LPCAT1: variants seen among roughly 807,000 people sequenced by gnomAD.
The protein encoded by LPCAT1 is 1-acylglycerol-3-phosphate O-acyltransferase.
A neutral mutation model predicts 60.9 loss-of-function variants in LPCAT1; 23 were observed. The ratio of observed to expected loss-of-function variants is 0.38; its 90% CI spans 0.27 to 0.53. LPCAT1 has a LOEUF of 0.53. Ranked by LOEUF, LPCAT1 falls within the 20% of genes least tolerant of loss-of-function variation. LPCAT1 has a pLI of 0.82. For missense variants in LPCAT1, 622 were observed against 723.6 expected (o/e 0.86, Z 1.61); for synonymous variants, 340 against 301.1 (o/e 1.13, Z -1.34).
chr5:1,490,277 G>A lies in LPCAT1; in HGVS notation c.494-419C>T, dbSNP rs1289930834. On this transcript the variant is annotated intron_variant, in intron 3 of 13. Transcript: ENST00000283415. ...AACTGCATCCCCTAAAAGACAAGCTGAAGTCCTCACTCCTGGTACCGGGAA... is the reference window on the plus strand; with the variant it reads ...AACTGCATCCCCTAAAAGACAAGCTAAAGTCCTCACTCCTGGTACCGGGAA... Among the ~76,000 whole-genome samples the A allele has an allele frequency of 1.3e-5, 2 of 152,208 alleles. 1 individual carries two copies. The highest frequency in any genetic ancestry group is 3.8e-4 in the East Asian group (2 of 5,200).
At chr5:1,488,095 C>G (rs147529898) in intron 5 of LPCAT1, among the ~76,000 whole-genome samples, 1 of 152,240 alleles carries the variant, frequency 6.6e-6, no homozygotes, top group Non-Finnish European at 1.5e-5. Context: ...GCAGTGAGAC[C>G]CCTTCTGCAC....
At position 1,522,876 on chromosome 5, in the gene LPCAT1, C is replaced by T. The variant is rs1561000652; in HGVS notation, c.135+834G>A. 6.6e-6 allele frequency among the ~76,000 whole-genome samples: 1 copy of T among 152,200 alleles called. No individual in the cohort carries two copies. The highest frequency in any genetic ancestry group is 2.4e-5 in the African/African-American group (1 of 41,452). On this transcript the variant is annotated intron_variant, in intron 1 of 13. Transcript: ENST00000283415. This position sits in a 1 kb window ranked among gnomAD's most constrained non-coding sequence, Gnocchi z 6.8. ...CAGCCAGGTAGCCGGAAAAGCCAGG[C>T]TGAGCCAGCACATCCCCGGTGCAGC... is the stretch of plus-strand genomic sequence containing the variant.
chr5:1,497,058 G>A (rs1361643193), intron 2 of LPCAT1, among the ~76,000 whole-genome samples: 1 of 152,236 alleles, frequency 6.6e-6, no homozygotes, highest in Non-Finnish European at 1.5e-5. Flanking sequence ...GCATGGCAGA[G>A]AAGCAGAGGA....
intron 1 of LPCAT1, among the ~76,000 whole-genome samples, chr5:1,509,902 C>T (rs111257712): frequency 1.3e-5 from 2 of 152,210 alleles, no homozygotes; most frequent in Non-Finnish European, 2.9e-5. Flanking sequence ...GCACCCCAGG[C>T]GCTACAGATC....
In LPCAT1 at chr5:1,523,815, G is replaced by T; in HGVS notation, c.30C>A (p.Ala10=). 1.8e-6 allele frequency: 2 copies of T among 1,091,842 alleles called. No homozygotes were observed. The highest frequency in any genetic ancestry group is 2.2e-6 in the Non-Finnish European group (2 of 898,884). 67.6% of individuals were successfully genotyped at this position (1,091,842 alleles called of 1,614,324 possible). Reference sequence around the variant, plus strand: ...TGGCCCCTGCGCTGGAGGCAGGGGCGGCCCGGGGTCCGCATCCCCGCAGCC... The same window carrying T: ...TGGCCCCTGCGCTGGAGGCAGGGGCTGCCCGGGGTCCGCATCCCCGCAGCC... MRLRGCGPR[A]APASSAGASD... is the part of the protein sequence containing the mutation. Residue 10 remains alanine, a synonymous_variant, in exon 1 of 14, where the codon GCC becomes GCA. Transcript: ENST00000283415. The surrounding 1 kb of genome is among the most constrained non-coding windows in gnomAD (Gnocchi z 7.1).
rs1734798699 is a variant in LPCAT1, at chr5:1,474,041, C to T, written c.1095G>A (p.Glu365=). 2.5e-6 allele frequency: 4 copies of T among 1,614,090 alleles called. No individual in the cohort carries two copies. Among genetic ancestry groups the T allele is most frequent in the Non-Finnish European group, 3.4e-6 (4 of 1,180,030 alleles). ...YSERARMKGG[E]KIGIAEFAAS... Reference sequence around the variant, plus strand: ...CGGCAAACTCCGCAATACCTATCTTCTCTCCTCCCTTCATCCTGGCTCTTT... The same window carrying T: ...CGGCAAACTCCGCAATACCTATCTTTTCTCCTCCCTTCATCCTGGCTCTTT... Residue 365 remains glutamate, a synonymous_variant, in exon 11 of 14, where the codon GAG becomes GAA. Transcript: ENST00000283415.
intron 2 of LPCAT1, among the ~76,000 whole-genome samples, chr5:1,498,648 A>G (rs1735888201): frequency 6.8e-6 from 1 of 146,706 alleles, no homozygotes. Context: ...ACATACATGT[A>G]CACAGAGACA....
In LPCAT1 at chr5:1,474,126, G is replaced by C. The variant is rs369864940; in HGVS notation, c.1026-16C>G. 3 of 1,603,180 alleles carry C rather than the reference G, an allele frequency of 1.9e-6. No individual in the cohort carries two copies. In the African/African-American group the frequency reaches 4.0e-5, roughly 22 times the overall value. On this transcript the variant is annotated splice_polypyrimidine_tract_variant and intron_variant, in intron 10 of 13. Transcript: ENST00000283415. ...TGGTTTTAGCCTAGACAAAAAAAGA[G>C]GGAAAGCTTTCTTTTTCAATAAAAT... is the stretch of plus-strand genomic sequence containing the variant.
At chr5:1,474,754 A>T (rs1232857409) in intron 9 of LPCAT1, 69 bp from the exon 10 acceptor site, 20 of 1,542,840 alleles carry the variant, frequency 1.3e-5, no homozygotes, top group African/African-American at 2.7e-5. Context: ...CCACCAGAAT[A>T]ACCGCCGATG....
chr5:1,467,963 G>C (rs1734501477), intron 12 of LPCAT1, among the ~76,000 whole-genome samples: 3 of 152,190 alleles, frequency 2.0e-5, no homozygotes. Context: ...GCAGCGCGCT[G>C]TGATCTTGTG....
Position 1,463,447 on chromosome 5 carries a change from C to G in LPCAT1, c.*204G>C, listed in dbSNP as rs1376933688. On this transcript the variant is annotated 3_prime_UTR_variant, in exon 14 of 14. Coordinates refer to ENST00000283415, the MANE Select transcript of LPCAT1 (RefSeq NM_024830.5). ...GCGGGGGATCCGCGTGCGCGCCCTC[C>G]GATTCTCGCACAGTAAGCGTCGGTT... The G allele has an allele frequency of 3.2e-6, 2 of 618,438 alleles. No individual in the cohort carries two copies. The highest frequency in any genetic ancestry group is 5.4e-6 in the Non-Finnish European group (2 of 368,264). 38.3% of individuals were successfully genotyped at this position (618,438 alleles called of 1,614,324 possible).
In LPCAT1 at chr5:1,481,499, C is replaced by T. The variant is rs149314199; in HGVS notation, c.727-523G>A. Among the ~76,000 whole-genome samples the T allele has an allele frequency of 4.2e-3, 647 of 152,368 alleles. 6 individuals carry two copies. The highest frequency in any genetic ancestry group is 0.015 in the African/African-American group (622 of 41,576). The stretch of plus-strand genomic sequence containing the variant: ...GAAGTCCCATCTTCAGCCTCAGTGC[C>T]GCCGGGCAGGGACCACACAGCAGGG... On this transcript the variant is annotated intron_variant, in intron 6 of 13. Transcript: ENST00000283415. The surrounding 1 kb of genome is among the most constrained non-coding windows in gnomAD (Gnocchi z 7.8).
intron 2 of LPCAT1, 28 bp downstream of exon 2, chr5:1,501,433 A>C: frequency 6.3e-7 from 1 of 1,587,034 alleles, no homozygotes; most frequent in Non-Finnish European, 8.6e-7. Context: ...CCCCCCCAGG[A>C]GGAGAGCACG....
At chr5:1,479,535 C>G (rs1735048567) in intron 8 of LPCAT1, 86 bp downstream of exon 8, 2 of 985,340 alleles carry the variant, frequency 2.0e-6, no homozygotes, top group South Asian at 2.6e-5. Flanking sequence ...CCACATTGTA[C>G]AAGGCTTATC....
intron 1 of LPCAT1, among the ~76,000 whole-genome samples, chr5:1,514,883 C>T (rs1030279403): frequency 6.6e-6 from 1 of 152,228 alleles, no homozygotes; most frequent in Admixed American, 6.5e-5. Flanking sequence ...ACAGGCCCTC[C>T]GGAGCTGTGG....
In LPCAT1 at chr5:1,489,901, T is replaced by C. The variant is rs201240163; in HGVS notation, c.494-43A>G. 1,393 of 1,424,676 alleles carry C rather than the reference T, an allele frequency of 9.8e-4. 2 individuals are homozygous for C. The highest frequency in any genetic ancestry group is 1.2e-3 in the Non-Finnish European group (1,218 of 1,008,256). The allele number at this position is 1,424,676 out of a possible 1,614,324, so 88.3% of individuals were successfully genotyped here. A position where few individuals can be genotyped will look rare whatever the true frequency, so the allele number is the denominator to read the frequency against. On this transcript the variant is annotated intron_variant, in intron 3 of 13. Coordinates refer to ENST00000283415, the MANE Select transcript of LPCAT1 (RefSeq NM_024830.5). Reference sequence around the variant, plus strand: ...AGACGGATCACGTGGAATGCACGGCTCCCGCCAGGCAGGGCTGAGGAACGA... The same window carrying C: ...AGACGGATCACGTGGAATGCACGGCCCCCGCCAGGCAGGGCTGAGGAACGA...
At chr5:1,520,520 A>T (rs1332491476) in intron 1 of LPCAT1, among the ~76,000 whole-genome samples, 1 of 152,194 alleles carries the variant, frequency 6.6e-6, no homozygotes, top group East Asian at 1.9e-4. Context: ...GCTTTCCAGG[A>T]TGTAAGTTCT....
At chr5:1,515,585 C>A (rs1168237803) in intron 1 of LPCAT1, among the ~76,000 whole-genome samples, 1 of 150,948 alleles carries the variant, frequency 6.6e-6, no homozygotes, top group Non-Finnish European at 1.5e-5. Flanking sequence ...GCCCTGTATA[C>A]CCTGCCCTGC....
At chr5:1,485,523 G>A (rs970517225) in intron 5 of LPCAT1, among the ~76,000 whole-genome samples, 5 of 152,158 alleles carry the variant, frequency 3.3e-5, no homozygotes, top group African/African-American at 1.2e-4. Context: ...CTTGTGCTGG[G>A]CATGGGTCTA....
Sources: allele counts gnomAD v4.1 joint callset (sites outside exome capture counted in the v4.1 genomes callset), GRCh38; gene constraint gnomAD v4.1.1; non-coding constraint Gnocchi (gnomAD v3.1); transcripts MANE v1.5; gene names NCBI Gene and HGNC (gene_info 2026-07-23, HGNC 2026-07-21).